Variants in PEAR1 observed in about 807,000 individuals in gnomAD.
PEAR1 encodes platelet endothelial aggregation receptor 1.
PEAR1 carries 113 observed loss-of-function variants against 131.2 expected under a neutral mutation model. The ratio of observed to expected loss-of-function variants is 0.86; its 90% CI spans 0.74 to 1.01. The LOEUF (loss-of-function observed/expected upper bound fraction) is 1.01, where lower values mean the gene tolerates loss of function less well. Ranked by LOEUF, PEAR1 falls within the 50% of genes least tolerant of loss-of-function variation. The pLI is 0.00. For missense variants in PEAR1, 1,408 were observed against 1,391.1 expected, an observed-to-expected ratio of 1.01 and a Z score of -0.19; for synonymous variants, 565 against 523.3, an observed-to-expected ratio of 1.08 and a Z score of -1.09.
At chr1:156,900,412 C>G (rs1649569131) in intron 1 of PEAR1, among the ~76,000 whole-genome samples, 2 of 151,894 alleles carry the variant, frequency 1.3e-5, no homozygotes, top group African/African-American at 4.8e-5. Flanking sequence ...GGCTTCCCAT[C>G]TGGACTTGGG....
At chr1:156,914,511 G>C (rs1417232421) in intron 22 of PEAR1, 136 bp from the exon 23 acceptor site, 12 of 834,930 alleles carry the variant, frequency 1.4e-5, no homozygotes, top group Non-Finnish European at 2.2e-5. Flanking sequence ...ATAGTAAACT[G>C]GTGTATGTAT....
intron 5 of PEAR1, 109 bp from the exon 6 acceptor site, chr1:156,906,528 A>G (rs1024297210): frequency 1.3e-6 from 2 of 1,553,464 alleles, no homozygotes; most frequent in South Asian, 2.5e-5. Context: ...GATGTGGAAG[A>G]CAGGGTGGGC....
In PEAR1 at chr1:156,903,953, T is replaced by A; in HGVS notation, c.27T>A (p.Leu9=). ...TGTCACCGCCTCTGTGTCCCCTCCT[T>A]CTCCTGGCTGTGGGCCTGCGGCTGG... MSPPLCPL[L]LLAVGLRLAG... The change falls in exon 2 of 23, where the codon CTT becomes CTA. Residue 9 remains leucine (L), a synonymous_variant. Transcript: ENST00000292357. The A allele has an allele frequency of 6.2e-7, 1 of 1,613,934 alleles. No individual in the cohort carries two copies. Among genetic ancestry groups the A allele is most frequent in the African/African-American group, 1.3e-5 (1 of 75,018 alleles).
intron 15 of PEAR1, among the ~76,000 whole-genome samples, 174 bp from the exon 16 acceptor site, chr1:156,912,073 G>A (rs760898736): frequency 6.6e-5 from 10 of 152,198 alleles, no homozygotes; most frequent in African/African-American, 1.9e-4. Context: ...GTTTGGGGGA[G>A]AGATGGGGCT....
chr1:156,904,721 G>A, intron 2 of PEAR1, 27 bp from the exon 3 acceptor site: 1 of 1,592,244 alleles, frequency 6.3e-7, no homozygotes, highest in East Asian at 2.2e-5. Context: ...CCTGCCCTCG[G>A]CCCTGACCCT....
Position 156,910,011 on chromosome 1 carries a change from G to T in PEAR1, c.1581G>T (p.Gly527=). The part of the protein sequence containing the change: ...GAHCQLPCPK[G]QFGEGCASRC... Reference sequence around the variant, plus strand: ...CTCCCCACTCCTTCTCCAAGAAGGGGCAGTTTGGAGAAGGTTGTGCCAGTC... The same window carrying T: ...CTCCCCACTCCTTCTCCAAGAAGGGTCAGTTTGGAGAAGGTTGTGCCAGTC... Residue 527 remains glycine, a synonymous_variant, in exon 13 of 23, where the codon GGG becomes GGT. Coordinates refer to ENST00000292357, the MANE Select transcript of PEAR1 (RefSeq NM_001080471.3). 1.2e-6 allele frequency: 2 copies of T among 1,613,628 alleles called. No homozygotes were observed. Among genetic ancestry groups the T allele is most frequent in the Non-Finnish European group, 1.7e-6 (2 of 1,180,036 alleles).
chr1:156,910,200 C>T (rs755749042), intron 13 of PEAR1, 34 bp from the exon 14 acceptor site: 1 of 1,610,662 alleles, frequency 6.2e-7, no homozygotes, highest in East Asian at 2.2e-5. Context: ...TGAAGGGGGC[C>T]CAGCCAGGCA....
rs753637166 is a variant in PEAR1 at position 156,909,013 on chromosome 1, A to G, written c.1388A>G (p.Asp463Gly). ...CENAIACSPI[D>G]GECVCKEGWQ... ...AATGCCATCGCCTGCTCACCCATCG[A>G]CGGCGAGTGCGTCTGCAAGGAAGGT... is the stretch of plus-strand genomic sequence containing the variant. The change falls in exon 11 of 23, where the codon GAC becomes GGC. Residue 463 changes from aspartate to glycine, a missense_variant. Coordinates refer to ENST00000292357, the MANE Select transcript of PEAR1 (RefSeq NM_001080471.3). The G allele has an allele frequency of 3.7e-6, 6 of 1,613,898 alleles. No individual in the cohort carries two copies. The highest frequency in any genetic ancestry group is 1.7e-5 in the Admixed American group (1 of 59,992).
intron 15 of PEAR1, among the ~76,000 whole-genome samples, chr1:156,911,585 C>A (rs963661590): frequency 6.6e-6 from 1 of 150,398 alleles, no homozygotes; most frequent in Non-Finnish European, 1.5e-5. Flanking sequence ...TGAGCCACTG[C>A]GCCCAGCCCT....
intron 1 of PEAR1, among the ~76,000 whole-genome samples, chr1:156,894,511 G>T (rs1307093304): frequency 2.0e-5 from 3 of 152,306 alleles, no homozygotes; most frequent in Non-Finnish European, 4.4e-5. Flanking sequence ...CAGGTCCCTG[G>T]CTCTCACATC....
In PEAR1 at chr1:156,913,753, C is replaced by G. The variant is rs764009967; in HGVS notation, c.2706C>G (p.Tyr902Ter). The change falls in exon 21 of 23, where the codon TAC becomes TAG. Residue 902 changes from tyrosine (Y) to a stop codon, truncating the protein, a stop_gained. Coordinates refer to ENST00000292357, the MANE Select transcript of PEAR1 (RefSeq NM_001080471.3). LOFTEE classifies it high-confidence loss of function. ...YSYSNGPGPF[Y>*]NKGLISEEEL... ...ACAGCAATGGCCCAGGCCCATTCTA[C>G]AATAAAGGTATGGGCACAGGGGCAA... 3 of 1,613,948 alleles carry G rather than the reference C, an allele frequency of 1.9e-6. No homozygotes were observed. The highest frequency in any genetic ancestry group is 1.7e-6 in the Non-Finnish European group (2 of 1,180,002).
intron 11 of PEAR1, 71 bp from the exon 12 acceptor site, chr1:156,909,680 C>T: frequency 2.0e-6 from 3 of 1,526,114 alleles, no homozygotes; most frequent in Non-Finnish European, 2.7e-6. Context: ...CTGGCCCAGC[C>T]AGCTCCCACT....
chr1:156,904,874 T>TG, intron 3 of PEAR1, 22 bp downstream of exon 3: 1 of 1,613,686 alleles, frequency 6.2e-7, no homozygotes, highest in Non-Finnish European at 8.5e-7. Context: ...TCATCCTCCA[T>TG]GGGTGGATGG....
In PEAR1 at chr1:156,911,053, C is replaced by CTTTCTTTT. The variant is rs1180212593; in HGVS notation, c.1951+317_1951+318insTTTTCTTT. ...TTGATTTCTTTTTCTTTCTTTCTTT[C>CTTTCTTTT]TTTCTTTCTTTCTTTCTTTCTTTCT... On this transcript the variant is annotated intron_variant, in intron 15 of 22. Coordinates refer to ENST00000292357, the MANE Select transcript of PEAR1 (RefSeq NM_001080471.3). Among the ~76,000 whole-genome samples the CTTTCTTTT allele has an allele frequency of 9.1e-4, 100 of 110,330 alleles. 1 individual carries two copies. Among genetic ancestry groups the CTTTCTTTT allele is most frequent in the African/African-American group, 5.0e-3 (93 of 18,646 alleles). 72.4% of individuals were successfully genotyped at this position (110,330 alleles called of 152,430 possible). A position where few individuals can be genotyped will look rare whatever the true frequency, so the allele number is the denominator to read the frequency against.
chr1:156,909,776 G>T lies in PEAR1; in HGVS notation c.1437G>T (p.Val479=). ...GTTGGCAGCGTGGTAACTGCTCTGT[G>T]CCCTGCCCACCCGGAACCTGGGGCT... ...KEGWQRGNCS[V]PCPPGTWGFS... is the part of the protein sequence containing the mutation. Residue 479 remains valine (V), a synonymous_variant, in exon 12 of 23, where the codon GTG becomes GTT. Coordinates refer to ENST00000292357, the MANE Select transcript of PEAR1 (RefSeq NM_001080471.3). 6.2e-7 allele frequency: 1 copy of T among 1,613,262 alleles called. No individual in the cohort carries two copies. Among genetic ancestry groups the T allele is most frequent in the African/African-American group, 1.3e-5 (1 of 75,052 alleles).
At chr1:156,913,105 G>A (rs1029138192) in intron 18 of PEAR1, 89 bp from the exon 19 acceptor site, 4 of 1,552,550 alleles carry the variant, frequency 2.6e-6, no homozygotes, top group Non-Finnish European at 3.5e-6. Context: ...AGGTCAGGGA[G>A]GCCAAAGTAC....
intron 1 of PEAR1, among the ~76,000 whole-genome samples, chr1:156,895,332 C>T (rs1006728850): frequency 2.4e-4 from 37 of 152,324 alleles, no homozygotes; most frequent in Non-Finnish European, 7.4e-5. Context: ...TCCCCGCACC[C>T]GACACACACT....
intron 14 of PEAR1, 54 bp from the exon 15 acceptor site, chr1:156,910,564 G>C: frequency 6.2e-7 from 1 of 1,603,318 alleles, no homozygotes; most frequent in Non-Finnish European, 8.5e-7. Flanking sequence ...GTGGGGTAAG[G>C]GCTGATTGAG....
Position 156,913,693 on chromosome 1 carries a change from G to A in PEAR1, c.2646G>A (p.Gly882=), listed in dbSNP as rs769032281. Residue 882 remains glycine, a splice_region_variant and synonymous_variant, in exon 21 of 23, where the codon GGG becomes GGA. Coordinates refer to ENST00000292357, the MANE Select transcript of PEAR1 (RefSeq NM_001080471.3). The part of the protein sequence containing the change: ...REPPPGPLDR[G]SSRLDRSYSY... ...TACCAGTTGCCTCCTCCTCCTCAGG[G>A]AGCAGCCGCCTGGACCGAAGCTACA... is the stretch of plus-strand genomic sequence containing the variant. The A allele has an allele frequency of 1.2e-6, 2 of 1,613,760 alleles. No individual in the cohort carries two copies. Among genetic ancestry groups the A allele is most frequent in the Non-Finnish European group, 1.7e-6 (2 of 1,179,926 alleles).
Sources: gnomAD v4.1 joint callset for allele counts (sites outside exome capture counted in the v4.1 genomes callset) on GRCh38, gnomAD v4.1.1 for gene constraint, MANE v1.5 for transcripts, NCBI Gene and HGNC (gene_info 2026-07-23, HGNC 2026-07-21) for gene names.